NRIP3: variants seen among roughly 807,000 people sequenced by gnomAD.
The protein encoded by NRIP3 is nuclear receptor-interacting protein 3.
In NRIP3, 31 loss-of-function variants were observed where a neutral mutation model predicts 29.0. The ratio of observed to expected loss-of-function variants is 1.07; its 90% CI spans 0.80 to 1.44. The LOEUF is 1.44. NRIP3 is among the 40% of genes most tolerant of loss of function. The pLI is 0.00. For missense variants in NRIP3, 314 were observed against 297.9 expected, an observed-to-expected ratio of 1.05 and a Z score of -0.40; for synonymous variants, 131 against 118.3, an observed-to-expected ratio of 1.11 and a Z score of -0.70.
chr11:8,997,355 C>CAAAA (rs11324721), intron 1 of NRIP3, among the ~76,000 whole-genome samples: 78 of 100,708 alleles, frequency 7.7e-4, no homozygotes, highest in African/African-American at 1.8e-3. Flanking sequence ...GACTCCGTCT[C>CAAAA]AAAAAAAAAA....
chr11:8,987,987 T>C, intron 2 of NRIP3, 131 bp downstream of exon 2: 1 of 774,306 alleles, frequency 1.3e-6, no homozygotes, highest in Non-Finnish European at 2.2e-6. Context: ...ACACTTCCAG[T>C]GTTGCATGGA....
Position 8,987,582 on chromosome 11 carries a change from T to A in NRIP3, c.388A>T (p.Asn130Tyr), listed in dbSNP as rs1566136620. ...KALVDTGCLY[N>Y]LISLACVDRL... ...TCCACACAGGCCAAAGAGATGAGATTATATAGGCAGCCTGTGTCAACCAAG... is the reference window on the plus strand; with the variant it reads ...TCCACACAGGCCAAAGAGATGAGATAATATAGGCAGCCTGTGTCAACCAAG... Residue 130 changes from asparagine (N) to tyrosine (Y), a missense_variant, in exon 3 of 7, where the codon AAT becomes TAT. Transcript: ENST00000309166. 1 of 1,614,038 alleles carries A rather than the reference T, an allele frequency of 6.2e-7. No individual in the cohort carries two copies.
chr11:9,002,497 G>A (rs117087568), intron 1 of NRIP3, among the ~76,000 whole-genome samples: 1,553 of 138,770 alleles, frequency 0.011, 13 homozygotes, highest in Non-Finnish European at 0.018. Context: ...GACAAACTCT[G>A]CACAGAAGTA....
Position 8,983,568 on chromosome 11 carries a change from G to A in NRIP3, c.711-8C>T, listed in dbSNP as rs1316774262. The stretch of plus-strand genomic sequence containing the variant: ...AGTTATGCTTCTGAAGTGCTGAAAT[G>A]AGAAATAAATATCAGGAGAAATAAT... On this transcript the variant is annotated splice_region_variant and splice_polypyrimidine_tract_variant and intron_variant, in intron 6 of 6. Coordinates refer to ENST00000309166, the MANE Select transcript of NRIP3 (RefSeq NM_020645.3). The A allele has an allele frequency of 1.2e-6, 2 of 1,612,980 alleles. No individual in the cohort carries two copies. The highest frequency in any genetic ancestry group is 1.7e-6 in the Non-Finnish European group (2 of 1,179,206).
At chr11:8,999,785 C>G (rs746883141) in intron 1 of NRIP3, among the ~76,000 whole-genome samples, 20 of 152,236 alleles carry the variant, frequency 1.3e-4, no homozygotes, top group Non-Finnish European at 2.6e-4. Flanking sequence ...AAACTTTGCT[C>G]CTTAATTCCC....
chr11:8,983,481 G>A lies in NRIP3; in HGVS notation c.*64C>T. ...CACTACGGCATTTGGTTCAAACCCAGTTTTCTCTATCTGTCAACCCGGTGT... is the reference window on the plus strand; with the variant it reads ...CACTACGGCATTTGGTTCAAACCCAATTTTCTCTATCTGTCAACCCGGTGT... On this transcript the variant is annotated 3_prime_UTR_variant, in exon 7 of 7. Transcript: ENST00000309166. 6.4e-7 allele frequency: 1 copy of A among 1,553,780 alleles called. No individual in the cohort carries two copies. Among genetic ancestry groups the A allele is most frequent in the Non-Finnish European group, 8.8e-7 (1 of 1,134,750 alleles).
rs1342901294 is a variant in NRIP3, at chr11:8,983,979, GGTAACTT to G, written c.616-17_616-11del. The G allele has an allele frequency of 1.9e-6, 3 of 1,612,188 alleles. No individual in the cohort carries two copies. The East Asian group carries it at 6.7e-5, about 36-fold the overall frequency. On this transcript the variant is annotated splice_polypyrimidine_tract_variant and intron_variant, in intron 5 of 6. Transcript: ENST00000309166. ...CCAAGTTTATGATGCACTGAAAACA[GGTAACTT>G]GTCAGTGATACCACTATGAGTTCCT...
At chr11:9,002,596 TAAAAAA>T (rs10701323) in intron 1 of NRIP3, among the ~76,000 whole-genome samples, 15 of 101,246 alleles carry the variant, frequency 1.5e-4, no homozygotes, top group East Asian at 9.4e-4. Flanking sequence ...GCTGTTAAAT[TAAAAAA>T]AAAAAAAAAA....
rs992376380 is a variant in NRIP3, at chr11:8,988,693, T to C, written c.175-411A>G. Among the ~76,000 whole-genome samples the C allele has an allele frequency of 3.3e-5, 5 of 152,160 alleles. No homozygotes were observed. In the East Asian group the frequency reaches 9.6e-4, roughly 29 times the overall value. ...CCTAGGTGACAGCAAATCACTGCCT[T>C]ATAGAAAGGGCAGCTCATTTTCATA... On this transcript the variant is annotated intron_variant, in intron 1 of 6. Coordinates refer to ENST00000309166, the MANE Select transcript of NRIP3 (RefSeq NM_020645.3).
At chr11:8,987,940 T>C (rs1422202918) in intron 2 of NRIP3, among the ~76,000 whole-genome samples, 178 bp downstream of exon 2, 1 of 152,230 alleles carries the variant, frequency 6.6e-6, no homozygotes, top group Non-Finnish European at 1.5e-5. Context: ...TTGTTCCTTC[T>C]TCCCATAAAG....
At chr11:8,991,696 G>T (rs1254428421) in intron 1 of NRIP3, among the ~76,000 whole-genome samples, 1 of 152,238 alleles carries the variant, frequency 6.6e-6, no homozygotes, top group Admixed American at 6.5e-5. Flanking sequence ...TTCACAGAGA[G>T]CTGAAGCAGC....
At chr11:8,993,096 A>G (rs778437630) in intron 1 of NRIP3, among the ~76,000 whole-genome samples, 1 of 152,180 alleles carries the variant, frequency 6.6e-6, no homozygotes, top group African/African-American at 2.4e-5. Flanking sequence ...AATCCAATAG[A>G]GAGGCAAAGG....
In NRIP3 at chr11:8,998,951, C is replaced by T. The variant is rs546847171; in HGVS notation, c.174+4811G>A. On this transcript the variant is annotated intron_variant, in intron 1 of 6. Transcript: ENST00000309166. ...CCGAGTAGCTGGGACTACAGGTGCC[C>T]GCCACCAGGCCTGGCTAATTTTTTG... Among the ~76,000 whole-genome samples, 14 of 151,962 alleles carry T rather than the reference C, an allele frequency of 9.2e-5. No individual in the cohort carries two copies. The South Asian group carries it at 1.0e-3, about 11-fold the overall frequency.
At chr11:9,004,232 A>T, upstream of NRIP3, 1 of 253,994 alleles carries the variant, frequency 3.9e-6, no homozygotes, top group Non-Finnish European at 7.5e-6. Context: ...CGGCCTTTTC[A>T]CCCAACCGCC....
intron 6 of NRIP3, 129 bp from the exon 7 acceptor site, chr11:8,983,689 T>C: frequency 2.1e-6 from 2 of 931,934 alleles, no homozygotes; most frequent in South Asian, 2.9e-5. Context: ...CCATTGCTCA[T>C]TCTGATGTGT....
intron 1 of NRIP3, among the ~76,000 whole-genome samples, chr11:9,003,235 G>A (rs1566142386): frequency 6.6e-6 from 1 of 152,140 alleles, no homozygotes; most frequent in Non-Finnish European, 1.5e-5. Context: ...TCCCCACTCA[G>A]GATGGAAGGT....
chr11:8,985,925 A>T (rs1854515070), intron 3 of NRIP3, 75 bp from the exon 4 acceptor site: 2 of 1,526,926 alleles, frequency 1.3e-6, no homozygotes, highest in East Asian at 2.3e-5. Flanking sequence ...CTACCTTCTG[A>T]CCTACAATTG....
chr11:8,984,762 A>G (rs1199848566), intron 4 of NRIP3, among the ~76,000 whole-genome samples: 1 of 151,868 alleles, frequency 6.6e-6, no homozygotes, highest in Non-Finnish European at 1.5e-5. Flanking sequence ...GCAAAGGAGT[A>G]AGTAAGTTGC....
At chr11:9,002,488 A>T (rs1854822511) in intron 1 of NRIP3, among the ~76,000 whole-genome samples, 1 of 151,982 alleles carries the variant, frequency 6.6e-6, no homozygotes, top group Admixed American at 6.5e-5. Flanking sequence ...ACTGAAGTAG[A>T]CAAACTCTGC....
Sources: gnomAD v4.1 joint callset for allele counts (sites outside exome capture counted in the v4.1 genomes callset) on GRCh38, gnomAD v4.1.1 for gene constraint, MANE v1.5 for transcripts, NCBI Gene and HGNC (gene_info 2026-07-23, HGNC 2026-07-21) for gene names.